The following GLI4 variants were observed in gnomAD, a reference collection of about 807,000 sequenced individuals.
The protein encoded by GLI4 is GLI family zinc finger 4, also known as zinc finger protein GLI4.
A neutral mutation model predicts 30.9 loss-of-function variants in GLI4; 34 were observed. That is an observed-to-expected ratio of 1.10 (90% CI 0.84 to 1.47). The LOEUF (loss-of-function observed/expected upper bound fraction) is 1.47, where lower values mean the gene tolerates loss of function less well. Among genes scored for constraint, GLI4 ranks in the 40% most tolerant of loss-of-function variants. GLI4 has a pLI of 0.00. For missense variants in GLI4, 696 were observed against 538.9 expected (o/e 1.29, Z -2.89); for synonymous variants, 277 against 236.7 (o/e 1.17, Z -1.56).
At chr8:143,267,820 A>C (rs1815171144) in intron 1 of GLI4, 2 of 985,326 alleles carry the variant, frequency 2.0e-6, no homozygotes, top group South Asian at 4.7e-5. Flanking sequence ...CTCCGGAGCG[A>C]GGAGCCGCCG....
In GLI4 at chr8:143,276,180, C is replaced by T. The variant is rs985921560; in HGVS notation, c.507C>T (p.Phe169=). The T allele has an allele frequency of 9.0e-6, 14 of 1,556,924 alleles. No individual in the cohort carries two copies. Among genetic ancestry groups the T allele is most frequent in the South Asian group, 1.2e-5 (1 of 85,654 alleles). Reference sequence around the variant, plus strand: ...GGGCTGCCGAGCTGGGAGTCAACTTCGGTCGGAGCCGGCAGGGCAGCGCGC... The same window carrying T: ...GGGCTGCCGAGCTGGGAGTCAACTTTGGTCGGAGCCGGCAGGGCAGCGCGC... ...PERAAELGVN[F]GRSRQGSARG... Residue 169 remains phenylalanine, a synonymous_variant, in exon 4 of 4, where the codon TTC becomes TTT. Transcript: ENST00000340042.
rs747024865 is a variant in GLI4, at chr8:143,269,438, G to A, written c.42G>A (p.Pro14=). Residue 14 remains proline, a synonymous_variant, in exon 2 of 4, where the codon CCG becomes CCA. Transcript: ENST00000340042. ...ACATTCAGGAGTCCCCTTCTGTCCC[G>A]TCCCCTGTCAGTCTCTCATCACCGG... is the stretch of plus-strand genomic sequence containing the variant. ...LGDIQESPSV[P]SPVSLSSPGT... is the part of the protein sequence containing the mutation. The A allele has an allele frequency of 2.4e-5, 38 of 1,609,538 alleles. No individual in the cohort carries two copies. Among genetic ancestry groups the A allele is most frequent in the Admixed American group, 8.3e-5 (5 of 59,980 alleles).
intron 3 of GLI4, chr8:143,275,522 G>A (rs1815364223): frequency 6.3e-6 from 8 of 1,263,144 alleles, no homozygotes; most frequent in Non-Finnish European, 7.9e-6. Context: ...GCTTTGAGGC[G>A]CCCTCTGGAG....
At position 143,276,598 on chromosome 8, in the gene GLI4, G is replaced by A. The variant is rs763822089; in HGVS notation, c.925G>A (p.Val309Met). 4 of 1,605,282 alleles carry A rather than the reference G, an allele frequency of 2.5e-6. No individual in the cohort carries two copies. The highest frequency in any genetic ancestry group is 1.7e-5 in the Admixed American group (1 of 59,302). The change falls in exon 4 of 4, where the codon GTG (valine) becomes ATG (methionine). Residue 309 changes from valine to methionine, a missense_variant. By Grantham distance (21) the Val-to-Met change is conservative (BLOSUM62 1). Coordinates refer to ENST00000340042, the MANE Select transcript of GLI4 (RefSeq NM_138465.4). ...CGGCAAGGCCTTCATCTGGAGCTCC[G>A]TGCTCATCGAGCACCAGCGCATCCA... ...QCGKAFIWSS[V>M]LIEHQRIHTG... is the part of the protein sequence containing the mutation.
intron 2 of GLI4, 76 bp from the exon 3 acceptor site, chr8:143,274,628 A>T: frequency 3.5e-6 from 5 of 1,425,156 alleles, no homozygotes; most frequent in Non-Finnish European, 4.7e-6. Flanking sequence ...ACAGCCCGGG[A>T]GCACGTGGCG....
chr8:143,276,765 C>T lies in GLI4; in HGVS notation c.1092C>T (p.Ser364=), dbSNP rs1815399286. ...GCGGCAAGGCCTTCGGCCAGAGCTC[C>T]CAGCTCATCCAGCACCAGCGGGTGC... ...GACGKAFGQS[S]QLIQHQRVHY... The change falls in exon 4 of 4, where the codon TCC becomes TCT. Residue 364 remains serine (S), a synonymous_variant. Coordinates refer to ENST00000340042, the MANE Select transcript of GLI4 (RefSeq NM_138465.4). The T allele has an allele frequency of 6.3e-7, 1 of 1,598,492 alleles. No homozygotes were observed. The highest frequency in any genetic ancestry group is 8.5e-7 in the Non-Finnish European group (1 of 1,173,286).
rs1264420550 is a variant in GLI4 at position 143,276,133 on chromosome 8, G to A, written c.460G>A (p.Gly154Arg). 5 of 1,536,536 alleles carry A rather than the reference G, an allele frequency of 3.3e-6. No individual in the cohort carries two copies. Among genetic ancestry groups the A allele is most frequent in the East Asian group, 5.0e-5 (2 of 39,898 alleles). The change falls in exon 4 of 4, where the codon GGG (glycine) becomes AGG (arginine). Residue 154 changes from glycine to arginine, a missense_variant. Transcript: ENST00000340042. Reference protein sequence around the residue: ...RVTLVQQAAAGPEGAPERAAE... With the variant: ...RVTLVQQAAARPEGAPERAAE... The stretch of plus-strand genomic sequence containing the variant: ...GACGCTCGTGCAGCAAGCAGCGGCC[G>A]GGCCCGAGGGTGCGCCCGAGCGGGC...
rs1272008875 is a variant in GLI4, at chr8:143,269,436, C to G, written c.40C>G (p.Pro14Ala). Residue 14 changes from proline to alanine, a missense_variant, in exon 2 of 4, where the codon CCG (proline) becomes GCG (alanine). Physicochemically the swap from Pro to Ala is conservative, Grantham distance 27 (BLOSUM62 -1). Transcript: ENST00000340042. ...LGDIQESPSV[P>A]SPVSLSSPGT... ...GGACATTCAGGAGTCCCCTTCTGTC[C>G]CGTCCCCTGTCAGTCTCTCATCACC... is the stretch of plus-strand genomic sequence containing the variant. 3.1e-6 allele frequency: 5 copies of G among 1,608,990 alleles called. No homozygotes were observed. The African/African-American group carries it at 6.7e-5, about 22-fold the overall frequency.
Position 143,276,889 on chromosome 8 carries a change from C to A in GLI4, c.*85C>A, listed in dbSNP as rs11990723. The A allele has an allele frequency of 1.3e-6, 1 of 798,146 alleles. No individual in the cohort carries two copies. Among genetic ancestry groups the A allele is most frequent in the Non-Finnish European group, 1.9e-6 (1 of 515,790 alleles). 49.4% of individuals were successfully genotyped at this position (798,146 alleles called of 1,614,324 possible). A position where few individuals can be genotyped will look rare whatever the true frequency, so the allele number is the denominator to read the frequency against. On this transcript the variant is annotated 3_prime_UTR_variant, in exon 4 of 4. Transcript: ENST00000340042. ...CCCCACGGTGGGCACTGCCCAGCACCGCATGCCACGTGTCCGGAATAAATT... is the reference window on the plus strand; with the variant it reads ...CCCCACGGTGGGCACTGCCCAGCACAGCATGCCACGTGTCCGGAATAAATT...
intron 2 of GLI4, 22 bp downstream of exon 2, chr8:143,269,542 C>T (rs141216873): frequency 1.4e-5 from 22 of 1,600,350 alleles, no homozygotes; most frequent in Middle Eastern, 3.3e-4. Context: ...GCCCGCTGTG[C>T]GCCCTCCACC....
intron 3 of GLI4, 87 bp downstream of exon 3, chr8:143,274,889 TGCTG>T (rs970439732): frequency 6.7e-7 from 1 of 1,498,338 alleles, no homozygotes; most frequent in African/African-American, 1.4e-5. Context: ...GCACCCCCAA[TGCTG>T]GCACCACCCC....
chr8:143,274,185 TG>T (rs1815333439), intron 2 of GLI4, among the ~76,000 whole-genome samples: 3 of 152,188 alleles, frequency 2.0e-5, no homozygotes, highest in African/African-American at 4.8e-5. Flanking sequence ...GCGCTGGGCC[TG>T]CTGGAAGCAG....
intron 2 of GLI4, chr8:143,272,536 G>A (rs1459396530): frequency 6.6e-6 from 1 of 152,452 alleles, no homozygotes; most frequent in Non-Finnish European, 1.5e-5. Context: ...AGCACAGTGG[G>A]AGGGCACTGG....
intron 2 of GLI4, among the ~76,000 whole-genome samples, chr8:143,271,583 C>T (rs1304031899): frequency 6.6e-6 from 1 of 152,210 alleles, no homozygotes; most frequent in African/African-American, 2.4e-5. Flanking sequence ...CTTGGAGCCG[C>T]AGCCTCCCAA....
chr8:143,275,376 A>G (rs1386286393), intron 3 of GLI4: 2 of 1,401,858 alleles, frequency 1.4e-6, no homozygotes, highest in Non-Finnish European at 1.9e-6. Context: ...GGTCCCTGGA[A>G]AGAGACCCTG....
At position 143,275,926 on chromosome 8, in the gene GLI4, C is replaced by T. The variant is rs747283893; in HGVS notation, c.253C>T (p.Arg85Cys). 2.3e-6 allele frequency: 3 copies of T among 1,321,734 alleles called. No individual in the cohort carries two copies. Among genetic ancestry groups the T allele is most frequent in the African/African-American group, 1.5e-5 (1 of 65,534 alleles). 81.9% of individuals were successfully genotyped at this position (1,321,734 alleles called of 1,614,324 possible). A position where few individuals can be genotyped will look rare whatever the true frequency, so the allele number is the denominator to read the frequency against. The change falls in exon 4 of 4, where the codon CGC (arginine) becomes TGC (cysteine). Residue 85 changes from arginine (R) to cysteine (C), a missense_variant. Physicochemically the swap from Arg to Cys is radical, Grantham distance 180 (BLOSUM62 -3). Transcript: ENST00000340042. ...DSEPKPEQAP[R>C]SPGSQAPDEG... ...CGAGCCCAAGCCGGAGCAGGCTCCACGCTCTCCTGGCTCTCAGGCCCCTGA... is the reference window on the plus strand; with the variant it reads ...CGAGCCCAAGCCGGAGCAGGCTCCATGCTCTCCTGGCTCTCAGGCCCCTGA...
At chr8:143,270,383 T>TA (rs1325565258) in intron 2 of GLI4, among the ~76,000 whole-genome samples, 1 of 152,182 alleles carries the variant, frequency 6.6e-6, no homozygotes, top group East Asian at 1.9e-4. Context: ...CAGGGTGAGT[T>TA]AGAGGAGCAG....
chr8:143,275,795 T>A, intron 3 of GLI4, 102 bp from the exon 4 acceptor site: 1 of 1,243,626 alleles, frequency 8.0e-7, no homozygotes, highest in Non-Finnish European at 1.0e-6. Context: ...TTGTCCCCTC[T>A]AAGCCCCCCC....
At chr8:143,273,728 T>C (rs1815319854) in intron 2 of GLI4, among the ~76,000 whole-genome samples, 1 of 152,216 alleles carries the variant, frequency 6.6e-6, no homozygotes, top group Non-Finnish European at 1.5e-5. Flanking sequence ...TCTGTGCCCA[T>C]CTCTGCATTG....
Sources: gnomAD v4.1 joint callset for allele counts (sites outside exome capture counted in the v4.1 genomes callset) on GRCh38, gnomAD v4.1.1 for gene constraint, MANE v1.5 for transcripts, NCBI Gene and HGNC (gene_info 2026-07-23, HGNC 2026-07-21) for gene names.